The following PTPRT variants were observed in gnomAD, a reference collection of about 807,000 sequenced individuals.
PTPRT encodes protein tyrosine phosphatase receptor type T.
PTPRT carries 56 observed loss-of-function variants against 176.8 expected under a neutral mutation model. The observed-to-expected ratio is 0.32, with a 90% confidence interval of 0.26 to 0.40. The LOEUF (loss-of-function observed/expected upper bound fraction) is 0.40, where lower values mean the gene tolerates loss of function less well. PTPRT is among the 10% of genes least tolerant of loss of function. The pLI is 1.00. For synonymous variants in PTPRT, 783 were observed against 739.0 expected (o/e 1.06, Z -0.96); for missense variants, 1,540 against 1,908.2 (o/e 0.81, Z 3.60).
intron 7 of PTPRT, among the ~76,000 whole-genome samples, chr20:42,532,492 C>G (rs1395265749): frequency 6.6e-6 from 1 of 152,146 alleles, no homozygotes; most frequent in African/African-American, 2.4e-5. Context: ...GTCTTGACCT[C>G]CTGGGCTCAA....
At chr20:43,092,225 G>A (rs1055533603) in intron 1 of PTPRT, among the ~76,000 whole-genome samples, 2 of 152,160 alleles carry the variant, frequency 1.3e-5, no homozygotes, top group East Asian at 3.9e-4. Context: ...GGGGACAAAC[G>A]AGACTCCATC....
chr20:42,937,106 GCATAT>G (rs900967942), intron 1 of PTPRT, among the ~76,000 whole-genome samples: 4 of 152,284 alleles, frequency 2.6e-5, no homozygotes, highest in Admixed American at 1.3e-4. Context: ...CGTTATGTGC[GCATAT>G]CATATTACTG....
chr20:43,119,269 G>A (rs1481141067), intron 1 of PTPRT, among the ~76,000 whole-genome samples: 1 of 152,110 alleles, frequency 6.6e-6, no homozygotes, highest in Non-Finnish European at 1.5e-5. Flanking sequence ...CTCCTGGTTT[G>A]GGGACGGCAA....
chr20:42,302,461 C>G (rs1283845983), intron 12 of PTPRT, among the ~76,000 whole-genome samples: 1 of 152,168 alleles, frequency 6.6e-6, no homozygotes, highest in Non-Finnish European at 1.5e-5. Context: ...TTCCTCTGCC[C>G]CACTGTCTAC....
chr20:42,995,518 A>G (rs1199856102), intron 1 of PTPRT, among the ~76,000 whole-genome samples: 26 of 152,086 alleles, frequency 1.7e-4, no homozygotes, highest in Admixed American at 1.7e-3. Flanking sequence ...CCTCTGAAAC[A>G]CTGGGCTCCT....
chr20:42,349,507 T>C (rs900248333), intron 11 of PTPRT, among the ~76,000 whole-genome samples: 2 of 152,214 alleles, frequency 1.3e-5, no homozygotes. Flanking sequence ...CAACTAGAGT[T>C]TGACTTTCTT....
At chr20:43,092,287 T>G (rs778181546) in intron 1 of PTPRT, among the ~76,000 whole-genome samples, 6 of 152,198 alleles carry the variant, frequency 3.9e-5, no homozygotes, top group Non-Finnish European at 8.8e-5. Flanking sequence ...TGTGTACTCA[T>G]CGGCTTCCAT....
At chr20:42,149,948 G>A (rs1331730933) in intron 17 of PTPRT, among the ~76,000 whole-genome samples, 1 of 152,148 alleles carries the variant, frequency 6.6e-6, no homozygotes, top group Non-Finnish European at 1.5e-5. Context: ...ATGACCACAA[G>A]TCACAGACTT....
intron 7 of PTPRT, among the ~76,000 whole-genome samples, chr20:42,607,724 G>A (rs1436875980): frequency 6.6e-6 from 1 of 152,218 alleles, no homozygotes. Context: ...GCATGAGGGT[G>A]TGGGCATGGG....
chr20:42,479,209 C>T (rs551876665), intron 7 of PTPRT, among the ~76,000 whole-genome samples: 33 of 152,276 alleles, frequency 2.2e-4, no homozygotes, highest in Non-Finnish European at 2.9e-4. Context: ...GAATTTGCTA[C>T]GTATTCATGT....
intron 15 of PTPRT, among the ~76,000 whole-genome samples, chr20:42,233,471 A>G (rs893556700): frequency 4.1e-5 from 3 of 73,864 alleles, no homozygotes; most frequent in African/African-American, 9.5e-5. Context: ...GGTACCTACC[A>G]GACTAGGCTA....
At chr20:42,703,444 T>C (rs548341296) in intron 6 of PTPRT, among the ~76,000 whole-genome samples, 1 of 152,172 alleles carries the variant, frequency 6.6e-6, no homozygotes, top group Admixed American at 6.5e-5. Context: ...AGAAAGAGCA[T>C]TGTTACCAGG....
intron 1 of PTPRT, among the ~76,000 whole-genome samples, chr20:42,979,092 C>T (rs549489408): frequency 6.8e-4 from 103 of 152,172 alleles, no homozygotes; most frequent in African/African-American, 1.5e-3. Context: ...TTGTTGTCAA[C>T]GTAAATCGAG....
At chr20:42,243,023 G>A (rs1336973161) in intron 14 of PTPRT, among the ~76,000 whole-genome samples, 1 of 145,468 alleles carries the variant, frequency 6.9e-6, no homozygotes, top group Non-Finnish European at 1.5e-5. Context: ...GGAGGAAGAG[G>A]AGGCAGAGGC....
Position 42,419,278 on chromosome 20 carries a change from T to G in PTPRT, c.1560+28942A>C, listed in dbSNP as rs1189029176. Among the ~76,000 whole-genome samples, 4 of 152,126 alleles carry G rather than the reference T, an allele frequency of 2.6e-5. No individual in the cohort carries two copies. In the East Asian group the frequency reaches 7.7e-4, roughly 29 times the overall value. ...CTGGCTCACCAGGGCTGGAATAAAG[T>G]TCAAGCTCAGTTGCACATGCACACA... On this transcript the variant is annotated intron_variant, in intron 9 of 30. Transcript: ENST00000373187.
chr20:42,293,348 C>G (rs2057344949), intron 12 of PTPRT, among the ~76,000 whole-genome samples: 1 of 152,176 alleles, frequency 6.6e-6, no homozygotes, highest in African/African-American at 2.4e-5. Context: ...CTTCCTTAAT[C>G]TCTCATCAAC....
At chr20:42,683,173 A>C (rs531432460) in intron 6 of PTPRT, among the ~76,000 whole-genome samples, 1 of 152,242 alleles carries the variant, frequency 6.6e-6, no homozygotes, top group South Asian at 2.1e-4. Flanking sequence ...ACACAAACAC[A>C]TTCATACACA....
intron 16 of PTPRT, among the ~76,000 whole-genome samples, chr20:42,190,133 C>T (rs1224441351): frequency 7.0e-6 from 1 of 142,916 alleles, no homozygotes; most frequent in African/African-American, 2.7e-5. Context: ...TTGTAACATT[C>T]AATTCTTCTC....
chr20:42,133,226 T>TTG (rs1425717979), intron 18 of PTPRT, among the ~76,000 whole-genome samples: 1 of 152,242 alleles, frequency 6.6e-6, no homozygotes, highest in Non-Finnish European at 1.5e-5. Context: ...GCTATGATGT[T>TTG]TGTCAGGTTA....
Sources: gnomAD v4.1 joint callset for allele counts (sites outside exome capture counted in the v4.1 genomes callset) on GRCh38, gnomAD v4.1.1 for gene constraint, MANE v1.5 for transcripts, NCBI Gene and HGNC (gene_info 2026-07-23, HGNC 2026-07-21) for gene names.